Variants in MGAT4C observed in about 807,000 individuals in gnomAD.
MGAT4C encodes the protein MGAT4 family member C.
MGAT4C carries 19 observed loss-of-function variants against 40.1 expected under a neutral mutation model. The observed-to-expected ratio is 0.47, with a 90% confidence interval of 0.33 to 0.70. The LOEUF (loss-of-function observed/expected upper bound fraction) is 0.70. MGAT4C is among the 30% of genes least tolerant of loss of function. The pLI, the probability that MGAT4C is intolerant of heterozygous loss-of-function variation, is 0.02. For synonymous variants in MGAT4C, 181 were observed against 187.1 expected (o/e 0.97, Z 0.27); for missense variants, 491 against 563.2 (o/e 0.87, Z 1.30).
chr12:86,213,854 A>G (rs1195310419), intron 1 of MGAT4C, among the ~76,000 whole-genome samples: 1 of 152,182 alleles, frequency 6.6e-6, no homozygotes. Flanking sequence ...GCAAGTTCCA[A>G]TTTTCTGTAT....
At chr12:86,712,527 CTT>C (rs1385394538) in intron 2 of MGAT4C, among the ~76,000 whole-genome samples, 1 of 152,072 alleles carries the variant, frequency 6.6e-6, no homozygotes, top group Non-Finnish European at 1.5e-5. Context: ...GCTGGAATCT[CTT>C]GAGTAAGATC....
chr12:86,349,950 A>T (rs1395383393), intron 3 of MGAT4C, among the ~76,000 whole-genome samples: 1 of 152,000 alleles, frequency 6.6e-6, no homozygotes, highest in East Asian at 1.9e-4. Flanking sequence ...CTAAAATGTA[A>T]ATATAATTTA....
At chr12:86,554,156 ACACG>A (rs1403862936) in intron 2 of MGAT4C, among the ~76,000 whole-genome samples, 2 of 138,130 alleles carry the variant, frequency 1.4e-5, no homozygotes, top group African/African-American at 2.6e-5. Context: ...ACACACACAC[ACACG>A]TGTTCAGGCA....
At chr12:86,487,761 T>C (rs1343060856) in intron 2 of MGAT4C, among the ~76,000 whole-genome samples, 3 of 152,190 alleles carry the variant, frequency 2.0e-5, no homozygotes, top group Non-Finnish European at 4.4e-5. Flanking sequence ...TACTATTCTT[T>C]CCTGAAAGTT....
chr12:86,203,222 A>G (rs839152), intron 1 of MGAT4C, among the ~76,000 whole-genome samples: 1 of 151,920 alleles, frequency 6.6e-6, no homozygotes, highest in Non-Finnish European at 1.5e-5. Flanking sequence ...ATTTTTGTTA[A>G]CTTCTTAATT....
At chr12:86,514,784 T>C (rs1018544188) in intron 2 of MGAT4C, among the ~76,000 whole-genome samples, 2 of 152,188 alleles carry the variant, frequency 1.3e-5, no homozygotes, top group African/African-American at 4.8e-5. Flanking sequence ...TTCCAGAGAT[T>C]AGAATGTGAA....
intron 2 of MGAT4C, among the ~76,000 whole-genome samples, chr12:86,508,918 C>A (rs560890997): frequency 6.7e-6 from 1 of 150,118 alleles, no homozygotes; most frequent in Non-Finnish European, 1.5e-5. Context: ...TTGTTTTTTT[C>A]TTGTAAATTT....
chr12:86,442,015 G>A, intron 2 of MGAT4C, among the ~76,000 whole-genome samples: 1 of 152,108 alleles, frequency 6.6e-6, no homozygotes, highest in Non-Finnish European at 1.5e-5. Context: ...GTTGTTTCCT[G>A]ACTTTTTAAT....
intron 2 of MGAT4C, among the ~76,000 whole-genome samples, chr12:86,495,914 A>G (rs1457650612): frequency 6.6e-6 from 1 of 151,862 alleles, no homozygotes; most frequent in Non-Finnish European, 1.5e-5. Context: ...ACTTTTTACC[A>G]ATTCCTCTTC....
intron 3 of MGAT4C, among the ~76,000 whole-genome samples, chr12:86,360,806 A>G (rs1245863018): frequency 1.3e-5 from 2 of 152,222 alleles, no homozygotes; most frequent in Non-Finnish European, 2.9e-5. Context: ...TTCAAGGAGA[A>G]CAACAAACCA....
chr12:86,375,554 A>C (rs1217146119), intron 3 of MGAT4C, among the ~76,000 whole-genome samples: 1 of 152,080 alleles, frequency 6.6e-6, no homozygotes, highest in African/African-American at 2.4e-5. Flanking sequence ...AGGAATTTGT[A>C]TAAGCATAAA....
At chr12:86,373,414 G>A (rs1244728445) in intron 3 of MGAT4C, among the ~76,000 whole-genome samples, 1 of 151,898 alleles carries the variant, frequency 6.6e-6, no homozygotes, top group East Asian at 1.9e-4. Flanking sequence ...GTATAGCAAA[G>A]TGAAACTGTC....
chr12:85,989,613 G>T, intron 2 of MGAT4C, 61 bp from the exon 3 acceptor site: 2 of 1,434,768 alleles, frequency 1.4e-6, no homozygotes, highest in Non-Finnish European at 1.9e-6. Context: ...TTTCTTTATC[G>T]CATATATAAA....
chr12:86,455,840 G>C (rs1327110685), intron 2 of MGAT4C, among the ~76,000 whole-genome samples: 1 of 151,942 alleles, frequency 6.6e-6, no homozygotes, highest in Non-Finnish European at 1.5e-5. Context: ...TTATTCGCAA[G>C]GTCTGGTGTG....
chr12:86,441,331 TTTA>T (rs1018217818), intron 2 of MGAT4C, among the ~76,000 whole-genome samples: 2 of 150,870 alleles, frequency 1.3e-5, no homozygotes, highest in Non-Finnish European at 3.0e-5. Context: ...ACTGATTTTT[TTTA>T]TTATTATTTT....
intron 1 of MGAT4C, among the ~76,000 whole-genome samples, chr12:86,734,663 C>T (rs1300612072): frequency 6.6e-6 from 1 of 151,934 alleles, no homozygotes; most frequent in Non-Finnish European, 1.5e-5. Context: ...AGAAGACCAC[C>T]GTCTACAAAT....
chr12:86,687,143 A>G (rs1950087457), intron 2 of MGAT4C, among the ~76,000 whole-genome samples: 1 of 152,292 alleles, frequency 6.6e-6, no homozygotes, highest in African/African-American at 2.4e-5. Context: ...AGGTGTTTAC[A>G]GTATTCTTTG....
chr12:86,379,787 C>T (rs896362907), intron 3 of MGAT4C, among the ~76,000 whole-genome samples: 2 of 152,014 alleles, frequency 1.3e-5, no homozygotes, highest in African/African-American at 4.8e-5. Context: ...CTTATATCTG[C>T]TCTTTTATCT....
intron 2 of MGAT4C, among the ~76,000 whole-genome samples, chr12:86,697,825 A>G (rs1200873150): frequency 1.3e-5 from 2 of 152,132 alleles, no homozygotes; most frequent in African/African-American, 4.8e-5. Context: ...AGGTTATATA[A>G]TAAAACATGA....
Sources: gnomAD v4.1 joint callset for allele counts (sites outside exome capture counted in the v4.1 genomes callset) on GRCh38, gnomAD v4.1.1 for gene constraint, MANE v1.5 for transcripts, NCBI Gene and HGNC (gene_info 2026-07-23, HGNC 2026-07-21) for gene names.